The following PPP4R1 variants were observed in gnomAD, a reference collection of about 807,000 sequenced individuals.
PPP4R1 encodes protein phosphatase 4 regulatory subunit 1, also known as serine/threonine-protein phosphatase 4 regulatory subunit 1.
A neutral mutation model predicts 111.2 loss-of-function variants in PPP4R1; 42 were observed. The observed-to-expected ratio is 0.38, with a 90% CI of 0.29 to 0.49. PPP4R1 has a LOEUF of 0.49. Among genes scored for constraint, PPP4R1 ranks in the 20% least tolerant of loss-of-function variants. The pLI is 0.97. For missense variants in PPP4R1, 1,012 were observed against 1,161.6 expected, an observed-to-expected ratio of 0.87 and a Z score of 1.87; for synonymous variants, 409 against 405.5, an observed-to-expected ratio of 1.01 and a Z score of -0.10.
At chr18:9,593,681 A>G (rs2067247096) in intron 4 of PPP4R1, 87 bp downstream of exon 4, 1 of 1,176,964 alleles carries the variant, frequency 8.5e-7, no homozygotes, top group African/African-American at 1.5e-5. Context: ...CTCATATCAC[A>G]TTAACTTGTT....
At chr18:9,598,299 T>C (rs2067323097) in intron 2 of PPP4R1, among the ~76,000 whole-genome samples, 1 of 152,074 alleles carries the variant, frequency 6.6e-6, no homozygotes, top group Non-Finnish European at 1.5e-5. Context: ...GTAAAAACTA[T>C]CAATCTACAG....
At chr18:9,576,729 A>G (rs1285944423) in intron 10 of PPP4R1, among the ~76,000 whole-genome samples, 8 of 139,004 alleles carry the variant, frequency 5.8e-5, no homozygotes, top group African/African-American at 2.2e-4. Flanking sequence ...TACCCTGTAT[A>G]TTGTAGATAT....
At chr18:9,552,946 C>T (rs1040264360) in intron 16 of PPP4R1, among the ~76,000 whole-genome samples, 2 of 152,194 alleles carry the variant, frequency 1.3e-5, no homozygotes, top group South Asian at 2.1e-4. Flanking sequence ...ATGTCCGCAA[C>T]AGGCAAATCC....
chr18:9,558,127 G>A (rs1380997855), intron 14 of PPP4R1, among the ~76,000 whole-genome samples: 1 of 152,060 alleles, frequency 6.6e-6, no homozygotes, highest in Non-Finnish European at 1.5e-5. Context: ...TTTTTACATA[G>A]TAACTTAAAA....
At position 9,547,702 on chromosome 18, in the gene PPP4R1, G is replaced by A. The variant is rs894196815; in HGVS notation, c.*87C>T. 41 of 1,513,092 alleles carry A rather than the reference G, an allele frequency of 2.7e-5. No individual in the cohort carries two copies. In the East Asian group the frequency reaches 4.5e-4, roughly 17 times the overall value. The allele number at this position is 1,513,092 out of a possible 1,614,324, so 93.7% of individuals were successfully genotyped here. On this transcript the variant is annotated 3_prime_UTR_variant, in exon 20 of 20. Coordinates refer to ENST00000400556, the MANE Select transcript of PPP4R1 (RefSeq NM_001042388.3). ...AGGAGAGGAAGGTCTCTCCTCCCCC[G>A]AAAGCTATCCCAGGTCACATGCGTG... is the stretch of plus-strand genomic sequence containing the variant.
intron 2 of PPP4R1, among the ~76,000 whole-genome samples, chr18:9,606,833 T>C (rs183797449): frequency 1.6e-4 from 25 of 152,338 alleles, no homozygotes; most frequent in African/African-American, 6.0e-4. Flanking sequence ...TGCTCTGACA[T>C]ACACTTGTGG....
At chr18:9,588,034 A>G in intron 6 of PPP4R1, 55 bp downstream of exon 6, 1 of 1,601,294 alleles carries the variant, frequency 6.2e-7, no homozygotes, top group Non-Finnish European at 8.5e-7. Context: ...GACTTTTAAT[A>G]AGCACCTCTT....
chr18:9,568,081 T>C lies in PPP4R1; in HGVS notation c.1573+2076A>G, dbSNP rs2066798831. Among the ~76,000 whole-genome samples the C allele has an allele frequency of 2.0e-5, 3 of 152,120 alleles. No individual in the cohort carries two copies. In the South Asian group the frequency reaches 6.2e-4, roughly 31 times the overall value. ...TCTTACTCTCTCACCCAGGCTGGAG[T>C]GTAGTAGTGCAATCATAGCTACTGA... On this transcript the variant is annotated intron_variant, in intron 11 of 19. Coordinates refer to ENST00000400556, the MANE Select transcript of PPP4R1 (RefSeq NM_001042388.3).
In PPP4R1 at chr18:9,584,717, A is replaced by G; in HGVS notation, c.693+4T>C. 1 of 1,613,262 alleles carries G rather than the reference A, an allele frequency of 6.2e-7. No homozygotes were observed. The highest frequency in any genetic ancestry group is 8.5e-7 in the Non-Finnish European group (1 of 1,179,458). On this transcript the variant is annotated splice_donor_region_variant and intron_variant, in intron 7 of 19. Transcript: ENST00000400556. ...ACAGCAGAAAAAAAACGACAAAAAA[A>G]TACCTTTCGAACGTGAAACATTCTG...
intron 11 of PPP4R1, among the ~76,000 whole-genome samples, chr18:9,568,605 G>A (rs912255914): frequency 1.3e-5 from 2 of 152,208 alleles, no homozygotes; most frequent in Non-Finnish European, 1.5e-5. Flanking sequence ...ACTTAGAGCA[G>A]TTCTTTCAAT....
Position 9,614,392 on chromosome 18 carries a change from C to G in PPP4R1, c.7+86G>C. ...TCCCGCGCCGGGACCCCACGCCGGC[C>G]CCGGCCCGGCAGCCACTCAGGGCTG... On this transcript the variant is annotated intron_variant, in intron 1 of 19. Transcript: ENST00000400556. The surrounding 1 kb of genome is among the most constrained non-coding windows in gnomAD (Gnocchi z 4.1). 1 of 1,019,912 alleles carries G rather than the reference C, an allele frequency of 9.8e-7. No individual in the cohort carries two copies. The highest frequency in any genetic ancestry group is 1.8e-5 in the African/African-American group (1 of 56,910). 63.2% of individuals were successfully genotyped at this position (1,019,912 alleles called of 1,614,324 possible). A position where few individuals can be genotyped will look rare whatever the true frequency, so the allele number is the denominator to read the frequency against.
chr18:9,558,525 T>A (rs1274966119), intron 14 of PPP4R1, among the ~76,000 whole-genome samples: 1 of 152,110 alleles, frequency 6.6e-6, no homozygotes, highest in Non-Finnish European at 1.5e-5. Context: ...TAAATTCACT[T>A]CCCCTGGGCC....
chr18:9,611,857 C>T (rs1430622850), intron 2 of PPP4R1, among the ~76,000 whole-genome samples: 2 of 151,386 alleles, frequency 1.3e-5, no homozygotes, highest in African/African-American at 2.4e-5. Context: ...ACTAAAAGTA[C>T]AAAATTAGCC....
chr18:9,550,270 A>G lies in PPP4R1; in HGVS notation c.2412+8T>C. ...GCTGATCTAAAATTTTAAAAGTTCA[A>G]TACATACCAACTTGTAGGAAATCCA... On this transcript the variant is annotated splice_region_variant and intron_variant, in intron 17 of 19. Transcript: ENST00000400556. The G allele has an allele frequency of 1.2e-6, 2 of 1,614,022 alleles. No homozygotes were observed. Among genetic ancestry groups the G allele is most frequent in the Non-Finnish European group, 1.7e-6 (2 of 1,180,002 alleles).
intron 12 of PPP4R1, 164 bp downstream of exon 12, chr18:9,563,214 G>T: frequency 8.4e-7 from 1 of 1,197,310 alleles, no homozygotes; most frequent in Non-Finnish European, 1.1e-6. Flanking sequence ...ATGTCACGAG[G>T]ACAGGATGTG....
rs1195192378 is a variant in PPP4R1 at position 9,577,526 on chromosome 18, G to A, written c.919-335C>T. 3.9e-5 allele frequency among the ~76,000 whole-genome samples: 6 copies of A among 152,120 alleles called. No homozygotes were observed. In the East Asian group the frequency reaches 5.8e-4, roughly 15 times the overall value. ...CAAAAAATACCAAAGTTAGCAGGGCGTGGTGGCGCATGCCTGTGGTCCCAG... is the reference window on the plus strand; with the variant it reads ...CAAAAAATACCAAAGTTAGCAGGGCATGGTGGCGCATGCCTGTGGTCCCAG... On this transcript the variant is annotated intron_variant, in intron 9 of 19. Transcript: ENST00000400556.
At chr18:9,607,973 G>A (rs984008117) in intron 2 of PPP4R1, among the ~76,000 whole-genome samples, 3 of 151,730 alleles carry the variant, frequency 2.0e-5, no homozygotes, top group African/African-American at 4.8e-5. Context: ...TAATAGAGAC[G>A]GGGTTTCACC....
At chr18:9,551,921 TG>T (rs2144976889) in intron 16 of PPP4R1, 1 of 152,344 alleles carries the variant, frequency 6.6e-6, no homozygotes, top group Non-Finnish European at 1.5e-5. Flanking sequence ...CGAGAAAAAC[TG>T]AAGCCCCAAG....
At chr18:9,556,469 A>T (rs1422488450) in intron 15 of PPP4R1, among the ~76,000 whole-genome samples, 2 of 152,136 alleles carry the variant, frequency 1.3e-5, no homozygotes, top group Non-Finnish European at 2.9e-5. Flanking sequence ...CTGGGATTAC[A>T]GGCGTGAGCC....
Sources: allele counts gnomAD v4.1 joint callset (sites outside exome capture counted in the v4.1 genomes callset), GRCh38; gene constraint gnomAD v4.1.1; non-coding constraint Gnocchi (gnomAD v3.1); transcripts MANE v1.5; gene names NCBI Gene and HGNC (gene_info 2026-07-23, HGNC 2026-07-21).